Variants in SEMA6C observed in about 807,000 individuals in gnomAD.
SEMA6C encodes the protein semaphorin 6C.
Under a neutral mutation model 72.9 loss-of-function variants are expected in SEMA6C, and 37 were observed. That is an observed-to-expected ratio of 0.51 (90% confidence interval 0.39 to 0.67). The LOEUF (loss-of-function observed/expected upper bound fraction) is 0.67, where lower values mean the gene tolerates loss of function less well. Among genes scored for constraint, SEMA6C ranks in the 30% least tolerant of loss-of-function variants. The pLI, the probability that SEMA6C is intolerant of heterozygous loss-of-function variation, is 0.00. For missense variants in SEMA6C, 1,189 were observed against 1,263.6 expected (o/e 0.94, Z 0.89); for synonymous variants, 578 against 554.1 (o/e 1.04, Z -0.61).
rs1488950060 is a variant in SEMA6C at position 151,137,421 on chromosome 1, G to A, written c.756+290C>T. On this transcript the variant is annotated intron_variant, in intron 10 of 18. Coordinates refer to ENST00000368914, the MANE Select transcript of SEMA6C (RefSeq NM_030913.6). Reference sequence around the variant, plus strand: ...AGATGGCGCCACTGCACTCCAGCCTGGGCGACAGAGCAAGACTCCGTCTCA... The same window carrying A: ...AGATGGCGCCACTGCACTCCAGCCTAGGCGACAGAGCAAGACTCCGTCTCA... Among the ~76,000 whole-genome samples the A allele has an allele frequency of 1.3e-4, 19 of 144,874 alleles. No homozygotes were observed. The Admixed American group carries it at 1.4e-3, about 10-fold the overall frequency.
Position 151,139,449 on chromosome 1 carries a change from G to A in SEMA6C, c.330C>T (p.Asn110=). 6.2e-7 allele frequency: 1 copy of A among 1,614,096 alleles called. No individual in the cohort carries two copies. Among genetic ancestry groups the A allele is most frequent in the Non-Finnish European group, 8.5e-7 (1 of 1,179,936 alleles). Residue 110 remains asparagine (N), a synonymous_variant, in exon 6 of 19, where the codon AAC becomes AAT. Transcript: ENST00000368914. The stretch of plus-strand genomic sequence containing the variant: ...CCGTCAGCTTTCCCCGTACAGCACA[G>A]TTCTCCACATCTTGGCTTCTCCATG... ...YLTWRSQDVE[N]CAVRGKLTDE... is the part of the protein sequence containing the mutation.
intron 14 of SEMA6C, 25 bp from the exon 15 acceptor site, chr1:151,135,334 G>C (rs752504571): frequency 6.2e-7 from 1 of 1,600,548 alleles, no homozygotes; most frequent in South Asian, 1.1e-5. Context: ...GAAGGAACCA[G>C]AGATGGACAG....
rs1682031674 is a variant in SEMA6C, at chr1:151,136,491, C to T, written c.1063G>A (p.Gly355Arg). The change falls in exon 12 of 19, where the codon GGG becomes AGG. Residue 355 changes from glycine to arginine, a missense_variant. This residue lies in a region of SEMA6C where 468 missense variants were observed against 577.4 expected (regional missense o/e 0.81). Coordinates refer to ENST00000368914, the MANE Select transcript of SEMA6C (RefSeq NM_030913.6). ...TCCTCAGACACAGGAGTCCAGGCCC[C>T]ATCCAGACTCCTCTGCTCCTTGAAC... The part of the protein sequence containing the change: ...GKFKEQRSLD[G>R]AWTPVSEDRV... The T allele has an allele frequency of 1.9e-6, 3 of 1,614,122 alleles. No individual in the cohort carries two copies. Among genetic ancestry groups the T allele is most frequent in the Non-Finnish European group, 2.5e-6 (3 of 1,180,012 alleles).
chr1:151,142,101 A>G (rs1682604995), intron 3 of SEMA6C, among the ~76,000 whole-genome samples: 1 of 146,410 alleles, frequency 6.8e-6, no homozygotes, highest in Non-Finnish European at 1.5e-5. Context: ...GAGTGCAGCG[A>G]TATCCGCTCA....
Position 151,132,891 on chromosome 1 carries a change from G to C in SEMA6C, c.2386C>G (p.Pro796Ala). 1 of 1,316,886 alleles carries C rather than the reference G, an allele frequency of 7.6e-7. No individual in the cohort carries two copies. The highest frequency in any genetic ancestry group is 9.7e-7 in the Non-Finnish European group (1 of 1,033,584). The allele number at this position is 1,316,886 out of a possible 1,614,324, so 81.6% of individuals were successfully genotyped here. A position where few individuals can be genotyped will look rare whatever the true frequency, so the allele number is the denominator to read the frequency against. ...AAGAGGGCGGGGGCGGGCTCCGGCG[G>C]GAGCGCCCGCGAGGTTAAAGGGGCG... ...PPAPLTSRALPPEPAPALLGG... is the reference protein window; with the variant it reads ...PPAPLTSRALAPEPAPALLGG... Residue 796 changes from proline to alanine, a missense_variant, in exon 19 of 19, where the codon CCG becomes GCG. By Grantham distance (27) the Pro-to-Ala change is conservative. Transcript: ENST00000368914.
Position 151,139,645 on chromosome 1 carries a change from G to A in SEMA6C, c.290C>T (p.Pro97Leu), listed in dbSNP as rs1403449360. 1.9e-6 allele frequency: 3 copies of A among 1,606,894 alleles called. No individual in the cohort carries two copies. Among genetic ancestry groups the A allele is most frequent in the African/African-American group, 1.3e-5 (1 of 74,876 alleles). ...TCCCACACAGCCCCTCACCTTGTTGGGCACCAGCCCCTCCCCTTCTTCTTC... is the reference window on the plus strand; with the variant it reads ...TCCCACACAGCCCCTCACCTTGTTGAGCACCAGCCCCTCCCCTTCTTCTTC... Reference protein sequence around the residue: ...QAEEEGEGLVPNKYLTWRSQD... With the variant: ...QAEEEGEGLVLNKYLTWRSQD... Residue 97 changes from proline (P) to leucine (L), a missense_variant, in exon 5 of 19, where the codon CCC (proline) becomes CTC (leucine). Physicochemically the swap from Pro to Leu is moderately conservative, Grantham distance 98. This residue lies in a region of SEMA6C where 468 missense variants were observed against 577.4 expected (regional missense o/e 0.81). Coordinates refer to ENST00000368914, the MANE Select transcript of SEMA6C (RefSeq NM_030913.6).
At chr1:151,136,665 C>T in intron 11 of SEMA6C, 86 bp from the exon 12 acceptor site, 4 of 1,539,870 alleles carry the variant, frequency 2.6e-6, no homozygotes, top group Non-Finnish European at 3.6e-6. Context: ...CCCTTCATAC[C>T]ACATTAAGAG....
chr1:151,143,368 T>C (rs1161495559), intron 2 of SEMA6C, among the ~76,000 whole-genome samples: 3 of 152,144 alleles, frequency 2.0e-5, no homozygotes, highest in Non-Finnish European at 2.9e-5. Context: ...AGAGGCTAAA[T>C]TTAGCTCTGG....
intron 3 of SEMA6C, among the ~76,000 whole-genome samples, chr1:151,142,240 G>A (rs587604665): frequency 5.3e-5 from 8 of 152,082 alleles, no homozygotes; most frequent in Non-Finnish European, 8.8e-5. Flanking sequence ...GGGTTTCACC[G>A]TGTTAGCCAG....
intron 2 of SEMA6C, among the ~76,000 whole-genome samples, chr1:151,143,495 C>G (rs116988254): frequency 6.6e-6 from 1 of 152,174 alleles, no homozygotes; most frequent in Non-Finnish European, 1.5e-5. Flanking sequence ...AGACCCACCC[C>G]CTATGAGAAG....
chr1:151,133,528 A>AGAGGGAG lies in SEMA6C; in HGVS notation c.1760-18_1760-12dup. 3.3e-6 allele frequency: 5 copies of AGAGGGAG among 1,497,312 alleles called. No individual in the cohort carries two copies. The highest frequency in any genetic ancestry group is 4.4e-6 in the Non-Finnish European group (5 of 1,126,174). 92.8% of individuals were successfully genotyped at this position (1,497,312 alleles called of 1,614,324 possible). On this transcript the variant is annotated splice_polypyrimidine_tract_variant and intron_variant, in intron 18 of 18. Coordinates refer to ENST00000368914, the MANE Select transcript of SEMA6C (RefSeq NM_030913.6). This position sits in a 1 kb window ranked among gnomAD's most constrained non-coding sequence, Gnocchi z 5.9. ...GGTCCCGGCGCACGCCTGCCGACCGAGAGGGAGGAGGGAGGCTCAGCCAAG... is the reference window on the plus strand; with the variant it reads ...GGTCCCGGCGCACGCCTGCCGACCGAGAGGGAGGAGGGAGGAGGGAGGCTCAGCCAAG...
rs774300523 is a variant in SEMA6C at position 151,143,310 on chromosome 1, T to TG, written c.-54-636dup. ...AGAACTGAGTAGGGAGGAGAGTTGG[T>TG]GGGGGGGACTGTCTTCGCCAAAAAT... On this transcript the variant is annotated intron_variant, in intron 2 of 18. Transcript: ENST00000368914. Among the ~76,000 whole-genome samples the TG allele has an allele frequency of 1.1e-3, 164 of 152,078 alleles. 3 individuals carry two copies. Among genetic ancestry groups the TG allele is most frequent in the Non-Finnish European group, 7.5e-4 (51 of 68,000 alleles).
intron 2 of SEMA6C, among the ~76,000 whole-genome samples, chr1:151,143,320 T>C (rs145174584): frequency 2.6e-5 from 4 of 152,302 alleles, no homozygotes; most frequent in African/African-American, 9.6e-5. Context: ...TGGGGGGGAC[T>C]GTCTTCGCCA....
Position 151,135,768 on chromosome 1 carries a change from G to T in SEMA6C, c.1260-4C>A. On this transcript the variant is annotated splice_region_variant and splice_polypyrimidine_tract_variant and intron_variant, in intron 13 of 18. Coordinates refer to ENST00000368914, the MANE Select transcript of SEMA6C (RefSeq NM_030913.6). The stretch of plus-strand genomic sequence containing the variant: ...AGCTACTTGGGTCAGTAGGGCCCTG[G>T]AGGAAAGGGCCTCAGGTCAGGGAAC... 6.2e-7 allele frequency: 1 copy of T among 1,613,692 alleles called. No homozygotes were observed. Among genetic ancestry groups the T allele is most frequent in the Non-Finnish European group, 8.5e-7 (1 of 1,179,758 alleles).
At chr1:151,142,973 C>T (rs933056737) in intron 2 of SEMA6C, among the ~76,000 whole-genome samples, 3 of 152,192 alleles carry the variant, frequency 2.0e-5, no homozygotes, top group South Asian at 2.1e-4. Flanking sequence ...CTGGGACATT[C>T]AGTAGGTGAC....
At position 151,138,318 on chromosome 1, in the gene SEMA6C, G is replaced by C; in HGVS notation, c.545C>G (p.Ala182Gly). The part of the protein sequence containing the change: ...DATQSNVAIF[A>G]EGSLYSATAA... ...TTCTCACATGCCCAGTTGCACACCT[G>C]CAAAGATGGCCACGTTGGACTGGGT... The change falls in exon 8 of 19, where the codon GCA (alanine) becomes GGA (glycine). Residue 182 changes from alanine (A) to glycine (G), a missense_variant and splice_region_variant. Around this residue, in one of 2 missense-constraint regions of SEMA6C, gnomAD observed 468 missense variants for 577.4 expected, o/e 0.81. Coordinates refer to ENST00000368914, the MANE Select transcript of SEMA6C (RefSeq NM_030913.6). The C allele has an allele frequency of 6.2e-7, 1 of 1,613,800 alleles. No homozygotes were observed. Among genetic ancestry groups the C allele is most frequent in the African/African-American group, 1.3e-5 (1 of 75,062 alleles).
chr1:151,137,144 G>GT (rs1682093417), intron 10 of SEMA6C, 70 bp from the exon 11 acceptor site: 3 of 1,434,200 alleles, frequency 2.1e-6, no homozygotes, highest in African/African-American at 1.4e-5. Flanking sequence ...AAGGAGTGTG[G>GT]TGAGTTAAGA....
chr1:151,135,889 C>T, intron 13 of SEMA6C, 122 bp downstream of exon 13: 1 of 1,523,526 alleles, frequency 6.6e-7, no homozygotes, highest in Non-Finnish European at 8.9e-7. Flanking sequence ...GCCTTCTTAG[C>T]TCTCTCCCTT....
intron 10 of SEMA6C, 35 bp downstream of exon 10, chr1:151,137,676 C>A (rs780595780): frequency 6.4e-7 from 1 of 1,568,878 alleles, no homozygotes; most frequent in Non-Finnish European, 8.7e-7. Flanking sequence ...CCAGCAGAAC[C>A]CTCCAGCTAC....
Sources: gnomAD v4.1 joint callset for allele counts (sites outside exome capture counted in the v4.1 genomes callset) on GRCh38, gnomAD v4.1.1 for gene constraint, gnomAD v4.1.1 regional missense constraint, Gnocchi (gnomAD v3.1) non-coding constraint, MANE v1.5 for transcripts, NCBI Gene and HGNC (gene_info 2026-07-23, HGNC 2026-07-21) for gene names.